Variants in ST6GAL1 observed in about 807,000 individuals in gnomAD.
ST6GAL1 encodes the protein ST6 beta-galactoside alpha-2,6-sialyltransferase 1, also known as beta-galactoside alpha-2,6-sialyltransferase 1.
A neutral mutation model predicts 38.0 loss-of-function variants in ST6GAL1; 20 were observed. The observed-to-expected ratio is 0.53, with a 90% CI of 0.37 to 0.77. ST6GAL1 has a LOEUF of 0.77. Ranked by LOEUF, ST6GAL1 falls within the 30% of genes least tolerant of loss-of-function variation. The probability of loss-of-function intolerance (pLI) is 0.00; values close to 1 mark genes in which losing one functional copy is unlikely to be tolerated. For missense variants in ST6GAL1, 432 were observed against 496.4 expected (o/e 0.87, Z 1.23); for synonymous variants, 196 against 188.2 (o/e 1.04, Z -0.34).
intron 2 of ST6GAL1, among the ~76,000 whole-genome samples, chr3:186,994,643 TA>T (rs140737171): frequency 1.5e-3 from 230 of 152,320 alleles, no homozygotes; most frequent in African/African-American, 5.3e-3. Flanking sequence ...TTTCAGTATG[TA>T]TATTTAAAAG....
chr3:186,964,977 C>T (rs1485114143), intron 2 of ST6GAL1, among the ~76,000 whole-genome samples: 2 of 152,134 alleles, frequency 1.3e-5, no homozygotes, highest in South Asian at 4.1e-4. Context: ...GTGAGGGTCC[C>T]ATAAAATAAT....
At chr3:187,043,340 A>C (rs762605416) in intron 4 of ST6GAL1, 30 bp downstream of exon 4, 5 of 1,594,050 alleles carry the variant, frequency 3.1e-6, no homozygotes, top group Non-Finnish European at 4.3e-6. Context: ...TGTGAATGGC[A>C]GTGCTTATTG....
chr3:186,970,668 G>T (rs952510450), intron 2 of ST6GAL1, among the ~76,000 whole-genome samples: 1 of 151,974 alleles, frequency 6.6e-6, no homozygotes, highest in South Asian at 2.1e-4. Flanking sequence ...AACCTTTTGA[G>T]GTTGGCTTTT....
intron 5 of ST6GAL1, chr3:187,064,432 G>C (rs1371287133): frequency 2.3e-6 from 1 of 441,630 alleles, no homozygotes; most frequent in Non-Finnish European, 4.6e-6. Context: ...TAGCTCCCGT[G>C]GAATCAGAAT....
intron 2 of ST6GAL1, among the ~76,000 whole-genome samples, chr3:187,027,828 T>C (rs988218321): frequency 1.4e-4 from 21 of 151,646 alleles, no homozygotes; most frequent in African/African-American, 5.1e-4. Flanking sequence ...GTGCATAAAG[T>C]GGGGCAGAAG....
intron 1 of ST6GAL1, among the ~76,000 whole-genome samples, chr3:186,941,838 C>T (rs917821664): frequency 5.9e-5 from 9 of 151,980 alleles, no homozygotes; most frequent in Non-Finnish European, 1.3e-4. Flanking sequence ...CAGTGAAACC[C>T]CGTCTCTACT....
chr3:186,935,612 CCCA>C (rs780276283), intron 1 of ST6GAL1, among the ~76,000 whole-genome samples: 67 of 152,324 alleles, frequency 4.4e-4, no homozygotes, highest in Middle Eastern at 6.8e-3. Context: ...AATTTACACT[CCCA>C]CCAACAGTGT....
chr3:187,021,426 G>A (rs1217132642), intron 2 of ST6GAL1, among the ~76,000 whole-genome samples: 1 of 152,060 alleles, frequency 6.6e-6, no homozygotes, highest in Non-Finnish European at 1.5e-5. Context: ...ATGTTTTCTG[G>A]CCTGACTGTG....
intron 2 of ST6GAL1, among the ~76,000 whole-genome samples, chr3:187,015,547 T>C (rs922070900): frequency 1.3e-5 from 2 of 151,958 alleles, no homozygotes; most frequent in Non-Finnish European, 2.9e-5. Flanking sequence ...GCATTAAGAG[T>C]GCAGTCTTTC....
intron 1 of ST6GAL1, among the ~76,000 whole-genome samples, chr3:186,963,419 G>C (rs4686819): frequency 0.089 from 13,470 of 152,194 alleles, 868 homozygotes; most frequent in East Asian, 0.36. Flanking sequence ...GGTCAAAGGA[G>C]ACTGTGAACA....
At chr3:187,004,079 A>T (rs3864109) in intron 2 of ST6GAL1, among the ~76,000 whole-genome samples, 1 of 151,914 alleles carries the variant, frequency 6.6e-6, no homozygotes, top group Non-Finnish European at 1.5e-5. Flanking sequence ...GTGAGTTCTC[A>T]TGAGATCTGG....
chr3:186,942,011 C>CAA (rs550968645), intron 1 of ST6GAL1, among the ~76,000 whole-genome samples: 5 of 126,834 alleles, frequency 3.9e-5, no homozygotes, highest in South Asian at 2.6e-4. Flanking sequence ...GACTCCGTCT[C>CAA]AAAAAAAAAA....
chr3:187,016,662 A>G (rs1465622476), intron 2 of ST6GAL1, among the ~76,000 whole-genome samples: 3 of 152,216 alleles, frequency 2.0e-5, no homozygotes, highest in Non-Finnish European at 4.4e-5. Flanking sequence ...AAGTGCAGAT[A>G]TAAAATGTTC....
chr3:187,030,292 C>T (rs1717699279), intron 2 of ST6GAL1, among the ~76,000 whole-genome samples: 1 of 152,140 alleles, frequency 6.6e-6, no homozygotes, highest in Admixed American at 6.6e-5. Flanking sequence ...GCATGTGATG[C>T]TCTTCACTTT....
At chr3:186,982,221 G>C (rs183702284) in intron 2 of ST6GAL1, among the ~76,000 whole-genome samples, 128 of 152,296 alleles carry the variant, frequency 8.4e-4, no homozygotes, top group Non-Finnish European at 1.9e-4. Context: ...TTAGAGATTG[G>C]TTACCCTGAC....
intron 2 of ST6GAL1, among the ~76,000 whole-genome samples, chr3:186,983,485 T>C (rs1204173815): frequency 6.6e-6 from 1 of 152,014 alleles, no homozygotes; most frequent in Non-Finnish European, 1.5e-5. Flanking sequence ...ATAGGATTGC[T>C]CTAGGGGCAG....
intron 2 of ST6GAL1, among the ~76,000 whole-genome samples, chr3:186,967,991 G>T (rs1489456805): frequency 6.6e-6 from 1 of 152,162 alleles, no homozygotes; most frequent in East Asian, 1.9e-4. Context: ...AGAGAGAGAG[G>T]GTGTCATTTT....
At chr3:187,033,475 G>A (rs1050694578) in intron 2 of ST6GAL1, among the ~76,000 whole-genome samples, 12 of 152,266 alleles carry the variant, frequency 7.9e-5, no homozygotes, top group East Asian at 7.7e-4. Flanking sequence ...CAGTTTATCC[G>A]TCAATGGTAT....
At chr3:187,002,518 T>G (rs1178212837) in intron 2 of ST6GAL1, among the ~76,000 whole-genome samples, 1 of 152,226 alleles carries the variant, frequency 6.6e-6, no homozygotes. Context: ...CCTCATTTTT[T>G]ACATGGCCTT....
Sources: gnomAD v4.1 joint callset for allele counts (sites outside exome capture counted in the v4.1 genomes callset) on GRCh38, gnomAD v4.1.1 for gene constraint, MANE v1.5 for transcripts, NCBI Gene and HGNC (gene_info 2026-07-23, HGNC 2026-07-21) for gene names.